PLA2G4C: variants seen among roughly 807,000 people sequenced by gnomAD.
The protein encoded by PLA2G4C is cytosolic phospholipase A2 gamma.
Under a neutral mutation model 73.8 loss-of-function variants are expected in PLA2G4C, and 64 were observed. The observed-to-expected ratio is 0.87, with a 90% CI of 0.71 to 1.07. The LOEUF (loss-of-function observed/expected upper bound fraction) is 1.07. Ranked by LOEUF, PLA2G4C falls within the 50% of genes least tolerant of loss-of-function variation. The probability of loss-of-function intolerance (pLI) is 0.00; values close to 1 mark genes in which losing one functional copy is unlikely to be tolerated. For synonymous variants in PLA2G4C, 254 were observed against 252.1 expected, an observed-to-expected ratio of 1.01 and a Z score of -0.07; for missense variants, 622 against 665.4, an observed-to-expected ratio of 0.93 and a Z score of 0.72.
At chr19:48,095,340 T>C (rs943432648) in intron 7 of PLA2G4C, 124 bp downstream of exon 7, 3 of 854,858 alleles carry the variant, frequency 3.5e-6, no homozygotes, top group East Asian at 2.4e-5. Flanking sequence ...TCTGGAAGCC[T>C]ACCAAGTCCT....
At chr19:48,069,302 G>T (rs1029010275) in intron 12 of PLA2G4C, among the ~76,000 whole-genome samples, 3 of 152,124 alleles carry the variant, frequency 2.0e-5, no homozygotes, top group Admixed American at 1.3e-4. Flanking sequence ...TGTATCTGGG[G>T]AAATGAGCTT....
chr19:48,064,663 T>C (rs1475336924), intron 13 of PLA2G4C: 1 of 152,162 alleles, frequency 6.6e-6, no homozygotes, highest in African/African-American at 2.4e-5. Flanking sequence ...GAGCCTCATT[T>C]TTCCTAGCCC....
At chr19:48,105,937 C>CTTTCTTTCTTT (rs1568457595) in intron 2 of PLA2G4C, among the ~76,000 whole-genome samples, 2 of 11,968 alleles carry the variant, frequency 1.7e-4, no homozygotes, top group African/African-American at 1.1e-3. Flanking sequence ...CTCCCTCCCT[C>CTTTCTTTCTTT]CCTCCCTCCC....
chr19:48,053,561 G>A (rs535116407), intron 15 of PLA2G4C, among the ~76,000 whole-genome samples: 16 of 151,968 alleles, frequency 1.1e-4, no homozygotes, highest in Admixed American at 9.8e-4. Context: ...TAATAGAGAC[G>A]GGGTTTCACC....
At chr19:48,079,236 C>T (rs1216359811) in intron 10 of PLA2G4C, among the ~76,000 whole-genome samples, 1 of 152,044 alleles carries the variant, frequency 6.6e-6, no homozygotes. Flanking sequence ...GCAAAAAGAA[C>T]AAATCTGGAG....
At chr19:48,101,674 C>CTTTTTTTTTTTT (rs71181648) in intron 4 of PLA2G4C, among the ~76,000 whole-genome samples, 3 of 131,828 alleles carry the variant, frequency 2.3e-5, no homozygotes, top group Admixed American at 8.0e-5. Context: ...CCTTTAATAT[C>CTTTTTTTTTTTT]TTTTTTTTTT....
chr19:48,101,126 A>ATTTTTTTT (rs544287174), intron 4 of PLA2G4C, among the ~76,000 whole-genome samples: 7 of 74,130 alleles, frequency 9.4e-5, no homozygotes, highest in African/African-American at 4.5e-4. Context: ...ATATATATAT[A>ATTTTTTTT]TTTTTTTTTT....
At chr19:48,067,760 G>A (rs368473601) in intron 13 of PLA2G4C, 31 bp downstream of exon 13, 20 of 1,419,272 alleles carry the variant, frequency 1.4e-5, no homozygotes, top group Non-Finnish European at 1.9e-5. Flanking sequence ...CGCAAGGACA[G>A]ACCAGGGCGG....
intron 9 of PLA2G4C, 126 bp downstream of exon 9, chr19:48,088,560 C>A: frequency 1.4e-6 from 1 of 705,104 alleles, no homozygotes; most frequent in Non-Finnish European, 2.6e-6. Flanking sequence ...TTTGAAATAC[C>A]AGATAAAGAA....
chr19:48,106,775 T>TCAC, intron 1 of PLA2G4C: 1 of 563,628 alleles, frequency 1.8e-6, no homozygotes. Context: ...TTCAAGCGCG[T>TCAC]CTCTCTGAAA....
chr19:48,098,308 C>G (rs251682), intron 5 of PLA2G4C, 49 bp from the exon 6 acceptor site: 69,432 of 1,562,132 alleles, frequency 0.044, 2,377 homozygotes, highest in African/African-American at 0.17. Flanking sequence ...GTGGGTCCCA[C>G]AGGGTGGAAC....
Position 48,060,250 on chromosome 19 carries a change from C to G in PLA2G4C, c.1257+1748G>C, listed in dbSNP as rs573156492. Among the ~76,000 whole-genome samples the G allele has an allele frequency of 1.6e-4, 25 of 152,164 alleles. No individual in the cohort carries two copies. In the South Asian group the frequency reaches 3.9e-3, roughly 24 times the overall value. Reference sequence around the variant, plus strand: ...AGCCCTGCCTAGTATGTCAATATACCAATTACGAATAAGGTCTTTGACATG... The same window carrying G: ...AGCCCTGCCTAGTATGTCAATATACGAATTACGAATAAGGTCTTTGACATG... On this transcript the variant is annotated intron_variant, in intron 14 of 16. Coordinates refer to ENST00000599921, the MANE Select transcript of PLA2G4C (RefSeq NM_003706.3).
chr19:48,059,403 C>T (rs1281545660), intron 14 of PLA2G4C, among the ~76,000 whole-genome samples: 2 of 151,918 alleles, frequency 1.3e-5, no homozygotes, highest in Admixed American at 6.6e-5. Flanking sequence ...TATTAGGTGT[C>T]GACTTGATTG....
At chr19:48,082,086 A>G (rs912741677) in intron 10 of PLA2G4C, among the ~76,000 whole-genome samples, 1 of 152,176 alleles carries the variant, frequency 6.6e-6, no homozygotes, top group Admixed American at 6.5e-5. Context: ...CACAAAAAAC[A>G]AAACCAAAAA....
At chr19:48,102,285 G>A (rs1202985475) in intron 4 of PLA2G4C, among the ~76,000 whole-genome samples, 2 of 151,816 alleles carry the variant, frequency 1.3e-5, no homozygotes, top group African/African-American at 2.4e-5. Context: ...GAGGTCAGAA[G>A]TTTGAGACCA....
chr19:48,107,265 G>A (rs2032282340), intron 1 of PLA2G4C, among the ~76,000 whole-genome samples: 1 of 152,214 alleles, frequency 6.6e-6, no homozygotes, highest in Non-Finnish European at 1.5e-5. Context: ...TCAGTTCCTG[G>A]GAGCGGGTCT....
At chr19:48,078,685 G>T (rs2030331668) in intron 10 of PLA2G4C, among the ~76,000 whole-genome samples, 1 of 152,088 alleles carries the variant, frequency 6.6e-6, no homozygotes. Context: ...ACTGCTACAA[G>T]GAAAACTACA....
In PLA2G4C at chr19:48,095,560, G is replaced by T; in HGVS notation, c.613C>A (p.Leu205Met). 1 of 1,614,080 alleles carries T rather than the reference G, an allele frequency of 6.2e-7. No individual in the cohort carries two copies. Among genetic ancestry groups the T allele is most frequent in the Middle Eastern group, 1.6e-4 (1 of 6,062 alleles). Residue 205 changes from leucine (L) to methionine (M), a missense_variant, in exon 7 of 17, where the codon CTG becomes ATG. Coordinates refer to ENST00000599921, the MANE Select transcript of PLA2G4C (RefSeq NM_003706.3). ...TGGGTTATGGAAACAAAGGCCCCCA[G>T]TGCAGAGAAGCCAGCGTGGTGAGGG... Reference protein sequence around the residue: ...FTPHHAGFSALGAFVSITHFG... With the variant: ...FTPHHAGFSAMGAFVSITHFG...
chr19:48,063,971 G>A (rs1210827864), intron 13 of PLA2G4C: 3 of 151,944 alleles, frequency 2.0e-5, no homozygotes, highest in African/African-American at 7.3e-5. Flanking sequence ...GAAAGCAAAG[G>A]GGTGAAAGAA....
Sources: allele counts gnomAD v4.1 joint callset (sites outside exome capture counted in the v4.1 genomes callset), GRCh38; gene constraint gnomAD v4.1.1; transcripts MANE v1.5; gene names NCBI Gene and HGNC (gene_info 2026-07-23, HGNC 2026-07-21).